KCNQ5: variants seen among roughly 807,000 people sequenced by gnomAD.
KCNQ5 encodes potassium voltage-gated channel subfamily KQT member 5.
In KCNQ5, 30 loss-of-function variants were observed where a neutral mutation model predicts 98.2. The observed-to-expected ratio is 0.31, with a 90% CI of 0.23 to 0.41. The LOEUF (loss-of-function observed/expected upper bound fraction) is 0.41, where lower values mean the gene tolerates loss of function less well. Among genes scored for constraint, KCNQ5 ranks in the 10% least tolerant of loss-of-function variants. KCNQ5 has a pLI of 1.00. For missense variants in KCNQ5, 835 were observed against 1,182.5 expected, an observed-to-expected ratio of 0.71 and a Z score of 4.31; for synonymous variants, 458 against 449.4, an observed-to-expected ratio of 1.02 and a Z score of -0.24.
At chr6:72,817,012 GT>G (rs1463519681) in intron 1 of KCNQ5, among the ~76,000 whole-genome samples, 1 of 152,200 alleles carries the variant, frequency 6.6e-6, no homozygotes, top group Non-Finnish European at 1.5e-5. Context: ...TGTTTGGGGT[GT>G]TGTCCAGGGA....
rs547895290 is a variant in KCNQ5 at position 73,053,288 on chromosome 6, C to A, written c.616+11226C>A. On this transcript the variant is annotated intron_variant, in intron 3 of 13. Transcript: ENST00000370398. Reference sequence around the variant, plus strand: ...CCACAAAGAGATTTAGATAACCACACAATAATAGTGGGAGACTTTAACATC... The same window carrying A: ...CCACAAAGAGATTTAGATAACCACAAAATAATAGTGGGAGACTTTAACATC... Among the ~76,000 whole-genome samples, 140 of 152,200 alleles carry A rather than the reference C, an allele frequency of 9.2e-4. 2 individuals are homozygous for A. The highest frequency in any genetic ancestry group is 7.2e-3 in the Admixed American group (110 of 15,306).
At chr6:72,869,427 C>T (rs189510392) in intron 1 of KCNQ5, among the ~76,000 whole-genome samples, 52 of 152,262 alleles carry the variant, frequency 3.4e-4, no homozygotes, top group South Asian at 6.2e-4. Flanking sequence ...CAAAATGGTC[C>T]TTTAGGTATG....
intron 2 of KCNQ5, among the ~76,000 whole-genome samples, chr6:73,017,746 G>C (rs1770416311): frequency 6.6e-6 from 1 of 152,150 alleles, no homozygotes; most frequent in African/African-American, 2.4e-5. Context: ...AGGCCCTCCA[G>C]CCTTGGCTCA....
At chr6:73,040,555 C>T (rs548168833) in intron 2 of KCNQ5, among the ~76,000 whole-genome samples, 119 of 152,260 alleles carry the variant, frequency 7.8e-4, no homozygotes, top group Non-Finnish European at 1.1e-3. Flanking sequence ...ACAAAACCTT[C>T]GGATTATTAA....
intron 1 of KCNQ5, among the ~76,000 whole-genome samples, chr6:72,856,677 G>A (rs2150148452): frequency 6.6e-6 from 1 of 152,224 alleles, no homozygotes; most frequent in Admixed American, 6.5e-5. Flanking sequence ...CTGAATATAT[G>A]GTACTGAATA....
intron 3 of KCNQ5, among the ~76,000 whole-genome samples, chr6:73,075,010 G>A (rs1243312754): frequency 6.6e-6 from 1 of 152,100 alleles, no homozygotes; most frequent in East Asian, 1.9e-4. Flanking sequence ...ACTAGTCTCA[G>A]GAGTAAATCC....
intron 1 of KCNQ5, among the ~76,000 whole-genome samples, chr6:72,750,154 AT>A (rs1382081634): frequency 6.6e-6 from 1 of 152,064 alleles, no homozygotes; most frequent in Non-Finnish European, 1.5e-5. Flanking sequence ...TCTGGCCACA[AT>A]GTGAGTCTTT....
intron 1 of KCNQ5, among the ~76,000 whole-genome samples, chr6:72,708,072 T>C (rs932688108): frequency 4.6e-5 from 7 of 152,244 alleles, no homozygotes. Context: ...TAATCCTTGA[T>C]AGTAGCTCTC....
At chr6:72,895,944 T>C (rs1474782942) in intron 1 of KCNQ5, among the ~76,000 whole-genome samples, 1 of 152,016 alleles carries the variant, frequency 6.6e-6, no homozygotes, top group African/African-American at 2.4e-5. Context: ...ACTAGATGGA[T>C]TGGACAAATT....
intron 2 of KCNQ5, among the ~76,000 whole-genome samples, chr6:73,013,322 CG>C (rs771358070): frequency 6.6e-6 from 1 of 152,056 alleles, no homozygotes; most frequent in Non-Finnish European, 1.5e-5. Flanking sequence ...TCTCTTCTCT[CG>C]ATGTCTGCAT....
intron 2 of KCNQ5, among the ~76,000 whole-genome samples, chr6:73,025,872 G>T (rs1770857965): frequency 6.6e-6 from 1 of 152,130 alleles, no homozygotes; most frequent in South Asian, 2.1e-4. Flanking sequence ...CTGTGGGTTG[G>T]CACTTGGCAG....
At chr6:73,049,980 G>A (rs1772143839) in intron 3 of KCNQ5, among the ~76,000 whole-genome samples, 2 of 151,952 alleles carry the variant, frequency 1.3e-5, no homozygotes, top group Non-Finnish European at 2.9e-5. Flanking sequence ...GAGCCTAGGA[G>A]TTCAAAATCA....
chr6:72,913,462 G>A (rs1780021578), intron 1 of KCNQ5, among the ~76,000 whole-genome samples: 1 of 152,106 alleles, frequency 6.6e-6, no homozygotes, highest in Admixed American at 6.6e-5. Flanking sequence ...GGGTGTGTGA[G>A]TCCTGGGTCC....
chr6:73,119,083 T>C (rs963187482), intron 7 of KCNQ5, among the ~76,000 whole-genome samples: 2 of 151,984 alleles, frequency 1.3e-5, no homozygotes, highest in Admixed American at 1.3e-4. Context: ...ATTAATCTAC[T>C]ATAATAAAAA....
intron 2 of KCNQ5, 85 bp from the exon 3 acceptor site, chr6:73,041,851 T>C (rs1365537132): frequency 1.3e-6 from 2 of 1,518,162 alleles, no homozygotes; most frequent in East Asian, 2.3e-5. Context: ...ACAAAGTGCC[T>C]AAATGTCCAA....
Position 72,987,899 on chromosome 6 carries a change from C to G in KCNQ5, c.399-16009C>G, listed in dbSNP as rs147539621. The G allele has an allele frequency of 2.4e-5, 7 of 289,122 alleles. No individual in the cohort carries two copies. In the East Asian group the frequency reaches 5.9e-4, roughly 24 times the overall value. The allele number at this position is 289,122 out of a possible 1,614,324, so 17.9% of individuals were successfully genotyped here. A position where few individuals can be genotyped will look rare whatever the true frequency, so the allele number is the denominator to read the frequency against. On this transcript the variant is annotated intron_variant, in intron 1 of 13. Coordinates refer to ENST00000370398, the MANE Select transcript of KCNQ5 (RefSeq NM_019842.4). ...AAATAACTCCCATAAACTTAGCGTT[C>G]CAATAATGGAACACTAGGCATAAGT...
chr6:72,977,809 G>C (rs1391373967), intron 1 of KCNQ5, among the ~76,000 whole-genome samples: 1 of 152,080 alleles, frequency 6.6e-6, no homozygotes, highest in Non-Finnish European at 1.5e-5. Flanking sequence ...ATAATACGTT[G>C]TTTATGGCCC....
At chr6:72,893,312 AT>A (rs921231389) in intron 1 of KCNQ5, among the ~76,000 whole-genome samples, 1 of 151,914 alleles carries the variant, frequency 6.6e-6, no homozygotes, top group African/African-American at 2.4e-5. Context: ...AATTCTAGAT[AT>A]TTTTTTCTTT....
At chr6:73,184,149 T>C (rs1248602481) in intron 11 of KCNQ5, among the ~76,000 whole-genome samples, 1 of 152,246 alleles carries the variant, frequency 6.6e-6, no homozygotes, top group African/African-American at 2.4e-5. Context: ...ACATATTTCT[T>C]GACTTCCACT....
Sources: allele counts gnomAD v4.1 joint callset (sites outside exome capture counted in the v4.1 genomes callset), GRCh38; gene constraint gnomAD v4.1.1; transcripts MANE v1.5; gene names NCBI Gene and HGNC (gene_info 2026-07-23, HGNC 2026-07-21).